The following USP34 variants were observed in gnomAD, a reference collection of about 807,000 sequenced individuals.
USP34 encodes ubiquitin specific peptidase 34, also known as ubiquitin carboxyl-terminal hydrolase 34.
A neutral mutation model predicts 460.3 loss-of-function variants in USP34; 70 were observed. The ratio of observed to expected loss-of-function variants is 0.15; its 90% CI spans 0.13 to 0.19. The LOEUF (loss-of-function observed/expected upper bound fraction) is 0.19, where lower values mean the gene tolerates loss of function less well. Ranked by LOEUF, USP34 falls within the 10% of genes least tolerant of loss-of-function variation. USP34 has a pLI of 1.00. For missense variants in USP34, 3,985 were observed against 4,236.2 expected, an observed-to-expected ratio of 0.94 and a Z score of 1.65; for synonymous variants, 1,647 against 1,405.3, an observed-to-expected ratio of 1.17 and a Z score of -3.85.
chr2:61,365,674 T>G (rs2103823967), intron 10 of USP34, among the ~76,000 whole-genome samples: 1 of 152,240 alleles, frequency 6.6e-6, no homozygotes, highest in African/African-American at 2.4e-5. Flanking sequence ...CAGAGTCACA[T>G]ACCTAAATAT....
At chr2:61,467,425 CA>C (rs1472249695) in intron 1 of USP34, among the ~76,000 whole-genome samples, 1 of 152,062 alleles carries the variant, frequency 6.6e-6, no homozygotes, top group East Asian at 1.9e-4. Flanking sequence ...GGCGGGATTA[CA>C]GGGGCGCACC....
intron 3 of USP34, among the ~76,000 whole-genome samples, chr2:61,404,088 G>A (rs1693799635): frequency 6.6e-6 from 1 of 150,762 alleles, no homozygotes; most frequent in African/African-American, 2.4e-5. Context: ...TGACTTGTGT[G>A]CCTGATTTAA....
chr2:61,375,188 C>A (rs1044199403), intron 8 of USP34, among the ~76,000 whole-genome samples: 2 of 152,050 alleles, frequency 1.3e-5, no homozygotes, highest in African/African-American at 4.8e-5. Flanking sequence ...CAAATTAAAA[C>A]CATGATGAAA....
At chr2:61,414,117 G>A (rs896600537) in intron 2 of USP34, among the ~76,000 whole-genome samples, 5 of 151,456 alleles carry the variant, frequency 3.3e-5, no homozygotes, top group Admixed American at 6.6e-5. Context: ...GAAATTAGCC[G>A]GGCAGCGTGC....
chr2:61,308,894 T>C lies in USP34; in HGVS notation c.3817+2646A>G, dbSNP rs1690496262. ...TGTCTCTACTAAAAATACAAAAAAT[T>C]ACCCAGGGATGGTGGCACCCACCTG... On this transcript the variant is annotated intron_variant, in intron 27 of 79. Coordinates refer to ENST00000398571, the MANE Select transcript of USP34 (RefSeq NM_014709.4). Among the ~76,000 whole-genome samples, 3 of 152,084 alleles carry C rather than the reference T, an allele frequency of 2.0e-5. No individual in the cohort carries two copies. In the South Asian group the frequency reaches 6.2e-4, roughly 32 times the overall value.
At chr2:61,304,493 T>C (rs1457731249) in intron 27 of USP34, among the ~76,000 whole-genome samples, 1 of 152,202 alleles carries the variant, frequency 6.6e-6, no homozygotes, top group Non-Finnish European at 1.5e-5. Context: ...TATTTGGAGG[T>C]GGGACCTTTT....
chr2:61,354,507 A>G (rs924394542), intron 10 of USP34, among the ~76,000 whole-genome samples: 2 of 152,214 alleles, frequency 1.3e-5, no homozygotes, highest in Non-Finnish European at 1.5e-5. Flanking sequence ...ACAGTTTCCC[A>G]GTGTGCTTCT....
At chr2:61,197,577 C>T (rs1394637773) in intron 75 of USP34, among the ~76,000 whole-genome samples, 4 of 152,152 alleles carry the variant, frequency 2.6e-5, no homozygotes, top group Non-Finnish European at 4.4e-5. Flanking sequence ...CTGCCATCAC[C>T]TGTACTATTG....
intron 35 of USP34, among the ~76,000 whole-genome samples, chr2:61,284,182 G>T (rs920952201): frequency 1.3e-5 from 2 of 152,162 alleles, no homozygotes; most frequent in African/African-American, 4.8e-5. Flanking sequence ...AAACCCTCAA[G>T]AAGTGCTCAT....
At chr2:61,253,289 T>G (rs1271102012) in intron 48 of USP34, among the ~76,000 whole-genome samples, 1 of 152,238 alleles carries the variant, frequency 6.6e-6, no homozygotes, top group East Asian at 1.9e-4. Flanking sequence ...ACAGATTTAT[T>G]CAATACATTT....
In USP34 at chr2:61,187,538, A is replaced by G; in HGVS notation, c.*564T>C. The G allele has an allele frequency of 1.0e-6, 1 of 978,304 alleles. No individual in the cohort carries two copies. Among genetic ancestry groups the G allele is most frequent in the African/African-American group, 1.7e-5 (1 of 57,170 alleles). The allele number at this position is 978,304 out of a possible 1,614,324, so 60.6% of individuals were successfully genotyped here. A position where few individuals can be genotyped will look rare whatever the true frequency, so the allele number is the denominator to read the frequency against. The stretch of plus-strand genomic sequence containing the variant: ...CAATCAGTCATGTCAATAAAAATAA[A>G]ACAATTATTTTTACATCAAGTGTGC... On this transcript the variant is annotated 3_prime_UTR_variant, in exon 80 of 80. Transcript: ENST00000398571.
intron 1 of USP34, among the ~76,000 whole-genome samples, chr2:61,441,783 A>C (rs1694970570): frequency 6.7e-6 from 1 of 149,396 alleles, no homozygotes; most frequent in Admixed American, 6.7e-5. Context: ...CCTGGGCAAC[A>C]GAGAGAGAGA....
At chr2:61,296,501 G>C (rs761767402) in intron 30 of USP34, among the ~76,000 whole-genome samples, 41 of 151,558 alleles carry the variant, frequency 2.7e-4, no homozygotes, top group Non-Finnish European at 6.0e-4. Context: ...TTGTTACTAA[G>C]AACAAAAAAC....
chr2:61,225,724 G>A (rs915184228), intron 62 of USP34, among the ~76,000 whole-genome samples: 2 of 152,144 alleles, frequency 1.3e-5, no homozygotes, highest in Non-Finnish European at 1.5e-5. Flanking sequence ...TGAGCCTCTG[G>A]TAATATTTTT....
At chr2:61,295,907 T>C (rs1349921738) in intron 30 of USP34, among the ~76,000 whole-genome samples, 4 of 152,232 alleles carry the variant, frequency 2.6e-5, no homozygotes, top group Admixed American at 2.0e-4. Flanking sequence ...TTTTCATTCA[T>C]CCTGTAGAGT....
At chr2:61,263,242 TC>T in intron 43 of USP34, among the ~76,000 whole-genome samples, 1 of 143,146 alleles carries the variant, frequency 7.0e-6, no homozygotes, top group South Asian at 2.2e-4. Context: ...GTGTAATGGC[TC>T]GATCTCAGCT....
chr2:61,301,554 A>G, intron 27 of USP34, 100 bp from the exon 28 acceptor site: 1 of 1,007,408 alleles, frequency 9.9e-7, no homozygotes, highest in Non-Finnish European at 1.5e-6. Flanking sequence ...CTGTATGTTA[A>G]GTTTAAATGT....
At chr2:61,193,373 A>AAAAAAAAAAAAAAAAAAAAAC (rs1686697322) in intron 75 of USP34, 1 of 147,662 alleles carries the variant, frequency 6.8e-6, no homozygotes, top group African/African-American at 2.5e-5. Context: ...GGTAAAAAAA[A>AAAAAAAAAAAAAAAAAAAAAC]AAAAAAAAAA....
intron 37 of USP34, among the ~76,000 whole-genome samples, chr2:61,282,868 C>T (rs564576299): frequency 3.2e-4 from 48 of 152,112 alleles, no homozygotes; most frequent in African/African-American, 1.0e-3. Context: ...TCAAGCCCTT[C>T]CTACTACCTG....
Sources: allele counts gnomAD v4.1 joint callset (sites outside exome capture counted in the v4.1 genomes callset), GRCh38; gene constraint gnomAD v4.1.1; transcripts MANE v1.5; gene names NCBI Gene and HGNC (gene_info 2026-07-23, HGNC 2026-07-21).